CRYM: variants seen among roughly 807,000 people sequenced by gnomAD.
CRYM encodes the protein crystallin mu.
Under a neutral mutation model 32.9 loss-of-function variants are expected in CRYM, and 18 were observed. The ratio of observed to expected loss-of-function variants is 0.55; its 90% CI spans 0.38 to 0.81. CRYM has a LOEUF of 0.81. Ranked by LOEUF, CRYM falls within the 30% of genes least tolerant of loss-of-function variation. CRYM has a pLI of 0.00. For synonymous variants in CRYM, 153 were observed against 152.4 expected (o/e 1.00, Z -0.03); for missense variants, 337 against 393.5 (o/e 0.86, Z 1.21).
intron 4 of CRYM, 24 bp downstream of exon 4, chr16:21,269,766 T>TTCCCCCCCCCCC: frequency 1.2e-5 from 8 of 690,460 alleles, no homozygotes; most frequent in Admixed American, 5.9e-5. Flanking sequence ...CCCTCTTCTC[T>TTCCCCCCCCCCC]CCCACCCCCA....
chr16:21,276,414 C>T (rs542035438), intron 2 of CRYM, among the ~76,000 whole-genome samples: 25 of 152,228 alleles, frequency 1.6e-4, no homozygotes, highest in African/African-American at 5.8e-4. Context: ...GAGTGTTAAA[C>T]GGCCAGATTA....
chr16:21,299,382 C>T (rs900842269), intron 1 of CRYM, among the ~76,000 whole-genome samples: 1 of 151,936 alleles, frequency 6.6e-6, no homozygotes, highest in African/African-American at 2.4e-5. Flanking sequence ...GATCTCAGCT[C>T]ACTGCAACCT....
At chr16:21,294,650 G>C (rs1464863368) in intron 1 of CRYM, among the ~76,000 whole-genome samples, 2 of 149,950 alleles carry the variant, frequency 1.3e-5, no homozygotes, top group Non-Finnish European at 3.0e-5. Flanking sequence ...TTGGTTTTCA[G>C]CTTCATCCAT....
At chr16:21,265,593 C>T (rs116032233) in intron 5 of CRYM, among the ~76,000 whole-genome samples, 285 of 152,300 alleles carry the variant, frequency 1.9e-3, no homozygotes, top group Middle Eastern at 6.8e-3. Flanking sequence ...AACCAGTGAC[C>T]TTGACTGCCT....
chr16:21,288,813 T>G (rs1455212686), intron 1 of CRYM, among the ~76,000 whole-genome samples: 1 of 152,172 alleles, frequency 6.6e-6, no homozygotes, highest in African/African-American at 2.4e-5. Flanking sequence ...TGTCAAAGTA[T>G]TTTCTAATTT....
In CRYM at chr16:21,267,732, C is replaced by G; in HGVS notation, c.495G>C (p.Arg165Ser). The stretch of plus-strand genomic sequence containing the variant: ...CATTTTCTTTGGTGCGGTTCCATAT[C>G]CTCACCTTCATTGGGAGTAACAAGA... ...FTEQFSFKEV[R>S]IWNRTKENAE... The change falls in exon 5 of 8, where the codon AGG (arginine) becomes AGC (serine). Residue 165 changes from arginine to serine, a missense_variant. Physicochemically the swap from Arg to Ser is moderately radical, Grantham distance 110. Transcript: ENST00000572914. 6.2e-7 allele frequency: 1 copy of G among 1,614,210 alleles called. No individual in the cohort carries two copies. Among genetic ancestry groups the G allele is most frequent in the Non-Finnish European group, 8.5e-7 (1 of 1,180,038 alleles).
chr16:21,276,414 C>A (rs542035438), intron 2 of CRYM, among the ~76,000 whole-genome samples: 1 of 152,110 alleles, frequency 6.6e-6, no homozygotes, highest in Non-Finnish European at 1.5e-5. Context: ...GAGTGTTAAA[C>A]GGCCAGATTA....
intron 1 of CRYM, among the ~76,000 whole-genome samples, chr16:21,289,100 T>C (rs1042195161): frequency 3.3e-5 from 5 of 152,208 alleles, no homozygotes; most frequent in Admixed American, 2.0e-4. Flanking sequence ...TATATACCTT[T>C]AGGTCAGGTG....
upstream of CRYM, among the ~76,000 whole-genome samples, chr16:21,282,868 A>G (rs2046055445): frequency 6.6e-6 from 1 of 152,104 alleles, no homozygotes. Context: ...GCCTCCAATA[A>G]TAAGTATTAT....
chr16:21,282,128 C>T (rs950907387), upstream of CRYM, among the ~76,000 whole-genome samples: 6 of 152,178 alleles, frequency 3.9e-5, no homozygotes, highest in Admixed American at 2.0e-4. Context: ...ATGAGTCTCA[C>T]GAGATCTGAT....
chr16:21,277,985 A>G lies in CRYM; in HGVS notation c.170+97T>C. On this transcript the variant is annotated intron_variant, in intron 1 of 7. Coordinates refer to ENST00000572914, the MANE Select transcript of CRYM (RefSeq NM_001376256.1). This position sits in a 1 kb window ranked among gnomAD's most constrained non-coding sequence, Gnocchi z 4.2. ...TGGCAGCTGTTAGCAACGGTTAGGC[A>G]AGCCGTCTCTTCCCTTCTCCCACCC... is the stretch of plus-strand genomic sequence containing the variant. The G allele has an allele frequency of 7.3e-7, 1 of 1,378,354 alleles. No homozygotes were observed. Among genetic ancestry groups the G allele is most frequent in the Admixed American group, 2.2e-5 (1 of 46,482 alleles). 85.4% of individuals were successfully genotyped at this position (1,378,354 alleles called of 1,614,324 possible).
chr16:21,300,499 T>G (rs1009651444), intron 1 of CRYM: 1 of 140,886 alleles, frequency 7.1e-6, no homozygotes, highest in African/African-American at 2.7e-5. Flanking sequence ...CGAGGTGCCA[T>G]GAGATTCCCT....
rs1567230839 is a variant in CRYM, at chr16:21,261,236, G to C, written c.880+18C>G. On this transcript the variant is annotated intron_variant, in intron 7 of 7. Transcript: ENST00000572914. ...TGTGCGCTAGTTGGATTTGTGCCCAGGGAGCAATGGATCTTACCCAAAGAC... is the reference window on the plus strand; with the variant it reads ...TGTGCGCTAGTTGGATTTGTGCCCACGGAGCAATGGATCTTACCCAAAGAC... The C allele has an allele frequency of 2.5e-6, 4 of 1,602,932 alleles. No individual in the cohort carries two copies. The highest frequency in any genetic ancestry group is 2.6e-6 in the Non-Finnish European group (3 of 1,170,226).
intron 1 of CRYM, among the ~76,000 whole-genome samples, chr16:21,294,920 C>A (rs142123835): frequency 3.3e-5 from 5 of 152,052 alleles, no homozygotes; most frequent in African/African-American, 4.8e-5. Context: ...TGGTCTCGAT[C>A]TCCTGACCTC....
chr16:21,287,111 A>G (rs1413253450), intron 1 of CRYM, among the ~76,000 whole-genome samples: 1 of 151,986 alleles, frequency 6.6e-6, no homozygotes, highest in Admixed American at 6.6e-5. Context: ...AAAGGAAAAT[A>G]CTTAATTTTA....
chr16:21,290,125 C>T (rs1477304824), intron 1 of CRYM, among the ~76,000 whole-genome samples: 1 of 152,084 alleles, frequency 6.6e-6, no homozygotes, highest in Non-Finnish European at 1.5e-5. Flanking sequence ...GGAATAAAAG[C>T]TGGCCACCAG....
intron 1 of CRYM, among the ~76,000 whole-genome samples, chr16:21,287,577 CT>C (rs1420732375): frequency 2.0e-5 from 3 of 152,240 alleles, no homozygotes; most frequent in Non-Finnish European, 4.4e-5. Context: ...ATCCTCACCC[CT>C]GATCTCCAGG....
chr16:21,266,466 C>T (rs912165665), intron 5 of CRYM, among the ~76,000 whole-genome samples: 1 of 152,098 alleles, frequency 6.6e-6, no homozygotes, highest in Non-Finnish European at 1.5e-5. Flanking sequence ...TGCTATAACA[C>T]CCAGGGCCAT....
At chr16:21,278,291 G>A, upstream of CRYM, 1 of 1,557,952 alleles carries the variant, frequency 6.4e-7, no homozygotes, top group African/African-American at 1.4e-5. Context: ...TCCGCACCGC[G>A]ATCCACGTAC....
Sources: allele counts gnomAD v4.1 joint callset (sites outside exome capture counted in the v4.1 genomes callset), GRCh38; gene constraint gnomAD v4.1.1; non-coding constraint Gnocchi (gnomAD v3.1); transcripts MANE v1.5; gene names NCBI Gene and HGNC (gene_info 2026-07-23, HGNC 2026-07-21).